CTCFL: variants seen among roughly 807,000 people sequenced by gnomAD.
CTCFL encodes CCCTC-binding factor like, also known as transcriptional repressor CTCFL.
A neutral mutation model predicts 67.4 loss-of-function variants in CTCFL; 36 were observed. The ratio of observed to expected loss-of-function variants is 0.53; its 90% CI spans 0.41 to 0.71. The LOEUF is 0.71. Ranked by LOEUF, CTCFL falls within the 30% of genes least tolerant of loss-of-function variation. The pLI is 0.00. For missense variants in CTCFL, 786 were observed against 835.2 expected (o/e 0.94, Z 0.73); for synonymous variants, 324 against 302.3 (o/e 1.07, Z -0.75).
chr20:57,512,395 G>C (rs2068620912), intron 8 of CTCFL, among the ~76,000 whole-genome samples, 197 bp downstream of exon 8: 2 of 152,228 alleles, frequency 1.3e-5, no homozygotes, highest in Admixed American at 1.3e-4. Context: ...GTCACAGGGA[G>C]CTCTGGGGAT....
In CTCFL at chr20:57,519,384, G is replaced by A. The variant is rs760169992; in HGVS notation, c.755-7C>T. The A allele has an allele frequency of 2.5e-6, 4 of 1,610,378 alleles. No homozygotes were observed. The African/African-American group carries it at 4.0e-5, about 16-fold the overall frequency. On this transcript the variant is annotated splice_region_variant and splice_polypyrimidine_tract_variant and intron_variant, in intron 3 of 10. Transcript: ENST00000243914. ...TGGAAGGTTCCTTTTGCTCCTATAG[G>A]CAGGAAATAGTTTATGTATTTGTTA...
chr20:57,508,604 AC>A lies in CTCFL; in HGVS notation c.1674+1del. 6.2e-7 allele frequency: 1 copy of A among 1,613,776 alleles called. No individual in the cohort carries two copies. Among genetic ancestry groups the A allele is most frequent in the Non-Finnish European group, 8.5e-7 (1 of 1,179,690 alleles). ...GATTTACTGTGACTTAAGTAAGCTTACCCAGCGGGAAAAGCCTTTGCCACAC... is the reference window on the plus strand; with the variant it reads ...GATTTACTGTGACTTAAGTAAGCTTACCAGCGGGAAAAGCCTTTGCCACAC... On this transcript the variant is annotated splice_donor_variant, in intron 9 of 10. Transcript: ENST00000243914. LOFTEE classifies it high-confidence loss of function.
chr20:57,514,994 A>G (rs1339920435), intron 6 of CTCFL: 2 of 516,370 alleles, frequency 3.9e-6, no homozygotes, highest in Non-Finnish European at 6.9e-6. Context: ...GGTGGTTCAC[A>G]TCCATGGGGC....
chr20:57,509,282 C>T (rs1424785247), intron 8 of CTCFL, among the ~76,000 whole-genome samples: 3 of 140,676 alleles, frequency 2.1e-5, no homozygotes, highest in South Asian at 2.3e-4. Context: ...ATCTTAATAC[C>T]GATTTTTTTT....
At chr20:57,502,196 G>A (rs1011485777) in intron 10 of CTCFL, among the ~76,000 whole-genome samples, 1 of 152,208 alleles carries the variant, frequency 6.6e-6, no homozygotes, top group Non-Finnish European at 1.5e-5. Context: ...CCAGGCTTAG[G>A]GCTTTGCCAG....
Position 57,518,630 on chromosome 20 carries a change from G to A in CTCFL, c.1059+128C>T, listed in dbSNP as rs780363646. ...TAAAAGAGAATGCATATTATTTCCT[G>A]CATAAATTTTATATGAATAATAAAA... On this transcript the variant is annotated intron_variant, in intron 5 of 10. Coordinates refer to ENST00000243914, the MANE Select transcript of CTCFL (RefSeq NM_001386993.1). 19 of 1,562,004 alleles carry A rather than the reference G, an allele frequency of 1.2e-5. No homozygotes were observed. In the South Asian group the frequency reaches 2.0e-4, roughly 16 times the overall value.
chr20:57,496,279 G>T (rs576580733), downstream of CTCFL: 2 of 692,840 alleles, frequency 2.9e-6, no homozygotes, highest in African/African-American at 1.8e-5. Context: ...CTCCCTCTTC[G>T]CCTTCTGCCT....
intron 9 of CTCFL, chr20:57,507,871 C>G: frequency 4.3e-6 from 3 of 702,992 alleles, no homozygotes; most frequent in Non-Finnish European, 7.8e-6. Context: ...ATAACTAATA[C>G]AACACCTAAA....
intron 5 of CTCFL, among the ~76,000 whole-genome samples, chr20:57,516,346 T>G (rs544127837): frequency 6.6e-6 from 1 of 152,096 alleles, no homozygotes; most frequent in South Asian, 2.1e-4. Flanking sequence ...GAGACCAGCC[T>G]GGGCAACATA....
At chr20:57,516,429 C>T (rs952809768) in intron 5 of CTCFL, among the ~76,000 whole-genome samples, 12 of 152,072 alleles carry the variant, frequency 7.9e-5, no homozygotes, top group East Asian at 3.9e-4. Flanking sequence ...CCCAGCTACT[C>T]GAGAGGCTGA....
intron 7 of CTCFL, chr20:57,513,781 A>T: frequency 7.2e-6 from 9 of 1,256,120 alleles, no homozygotes; most frequent in Non-Finnish European, 8.2e-6. Context: ...AAAGGGTCAA[A>T]TTTTTTGTTC....
At chr20:57,508,917 C>A (rs1032420895) in intron 8 of CTCFL, 129 bp from the exon 9 acceptor site, 2 of 826,040 alleles carry the variant, frequency 2.4e-6, no homozygotes, top group Non-Finnish European at 3.7e-6. Context: ...AGAATTACTG[C>A]AAACACATTC....
chr20:57,515,889 C>T (rs1335041554), intron 5 of CTCFL, 55 bp from the exon 6 acceptor site: 4 of 1,561,388 alleles, frequency 2.6e-6, no homozygotes, highest in Non-Finnish European at 3.5e-6. Flanking sequence ...ATGGCAGAGT[C>T]TTCCATTAAT....
chr20:57,504,990 A>G (rs2068119357), intron 9 of CTCFL, among the ~76,000 whole-genome samples: 1 of 151,790 alleles, frequency 6.6e-6, no homozygotes, highest in Non-Finnish European at 1.5e-5. Context: ...TGTGGTGTGG[A>G]TATCTGGTCT....
intron 10 of CTCFL, 150 bp downstream of exon 10, chr20:57,503,284 TGA>T (rs1210627805): frequency 4.7e-6 from 4 of 850,554 alleles, no homozygotes; most frequent in Non-Finnish European, 7.4e-6. Flanking sequence ...ACTGCCATTC[TGA>T]GAGATCTGGC....
At chr20:57,512,798 T>C in intron 7 of CTCFL, 46 bp from the exon 8 acceptor site, 2 of 1,582,288 alleles carry the variant, frequency 1.3e-6, no homozygotes, top group Non-Finnish European at 1.7e-6. Flanking sequence ...TGTTGTTTTC[T>C]GTTAGCCTGC....
chr20:57,523,006 C>T (rs2069502361), intron 3 of CTCFL, 62 bp downstream of exon 3: 5 of 1,302,214 alleles, frequency 3.8e-6, no homozygotes, highest in East Asian at 2.4e-5. Flanking sequence ...CCATCACCTG[C>T]CCATAAAGAA....
intron 9 of CTCFL, among the ~76,000 whole-genome samples, chr20:57,504,542 A>G (rs1436922260): frequency 4.6e-5 from 7 of 151,738 alleles, no homozygotes; most frequent in Admixed American, 1.3e-4. Context: ...TTGGCCTCCC[A>G]AAGTGCTGAG....
At position 57,518,739 on chromosome 20, in the gene CTCFL, AGT is replaced by A. The variant is rs2069115150; in HGVS notation, c.1059+17_1059+18del. 2 of 1,614,156 alleles carry A rather than the reference AGT, an allele frequency of 1.2e-6. No individual in the cohort carries two copies. The highest frequency in any genetic ancestry group is 4.5e-5 in the East Asian group (2 of 44,892). On this transcript the variant is annotated intron_variant, in intron 5 of 10. Transcript: ENST00000243914. ...TCTACTAAGATGCCATGAAGCTTCAAGTCCAAGAATGGCTTTACCTCCACACT... is the reference window on the plus strand; with the variant it reads ...TCTACTAAGATGCCATGAAGCTTCAACCAAGAATGGCTTTACCTCCACACT...
Sources: allele counts gnomAD v4.1 joint callset (sites outside exome capture counted in the v4.1 genomes callset), GRCh38; gene constraint gnomAD v4.1.1; transcripts MANE v1.5; gene names NCBI Gene and HGNC (gene_info 2026-07-23, HGNC 2026-07-21).